Variants in ADK observed in about 807,000 individuals in gnomAD.
The protein encoded by ADK is N6,N6-dimethyladenosine kinase.
ADK carries 24 observed loss-of-function variants against 44.7 expected under a neutral mutation model. The ratio of observed to expected loss-of-function variants is 0.54; its 90% confidence interval spans 0.39 to 0.76. ADK has a LOEUF of 0.76. Among genes scored for constraint, ADK ranks in the 30% least tolerant of loss-of-function variants. ADK has a pLI of 0.00. For synonymous variants in ADK, 128 were observed against 142.6 expected (o/e 0.90, Z 0.73); for missense variants, 321 against 425.1 (o/e 0.76, Z 2.15).
chr10:74,641,292 A>G (rs930092199), intron 9 of ADK: 2 of 152,228 alleles, frequency 1.3e-5, no homozygotes, highest in Non-Finnish European at 2.9e-5. Context: ...GGATCCCTTG[A>G]GCCCAGGAGT....
At chr10:74,328,932 G>A (rs1161141934) in intron 4 of ADK, among the ~76,000 whole-genome samples, 3 of 151,810 alleles carry the variant, frequency 2.0e-5, no homozygotes, top group African/African-American at 4.8e-5. Context: ...CAGGGTAGTC[G>A]TCTTGCCACT....
chr10:74,200,627 A>G, intron 1 of ADK, 137 bp from the exon 2 acceptor site: 2 of 690,250 alleles, frequency 2.9e-6, no homozygotes, highest in Non-Finnish European at 5.2e-6. Context: ...TATAATAGGC[A>G]AATCAAATGT....
chr10:74,240,576 T>C (rs928633268), intron 3 of ADK, among the ~76,000 whole-genome samples: 1 of 152,166 alleles, frequency 6.6e-6, no homozygotes, highest in African/African-American at 2.4e-5. Flanking sequence ...ACTTGGAAAT[T>C]AGCAAATATT....
chr10:74,201,712 C>G (rs1843400083), intron 2 of ADK, among the ~76,000 whole-genome samples: 1 of 148,000 alleles, frequency 6.8e-6, no homozygotes, highest in African/African-American at 2.6e-5. Context: ...ATCTATCTAT[C>G]TATCTATCTA....
chr10:74,548,054 A>G (rs1849901786), intron 7 of ADK, among the ~76,000 whole-genome samples: 1 of 152,182 alleles, frequency 6.6e-6, no homozygotes, highest in South Asian at 2.1e-4. Flanking sequence ...GGCCTCCCAA[A>G]GTGCTGGGAT....
intron 3 of ADK, among the ~76,000 whole-genome samples, chr10:74,304,932 T>C (rs1444316566): frequency 1.3e-5 from 2 of 152,188 alleles, no homozygotes; most frequent in Non-Finnish European, 2.9e-5. Context: ...TAAATTACAG[T>C]TGTCCTTTGG....
intron 9 of ADK, among the ~76,000 whole-genome samples, chr10:74,657,814 TA>T (rs1854544159): frequency 6.6e-6 from 1 of 152,230 alleles, no homozygotes; most frequent in Non-Finnish European, 1.5e-5. Context: ...GAAGTAATTG[TA>T]ACTATGATAG....
intron 4 of ADK, among the ~76,000 whole-genome samples, chr10:74,327,309 G>T (rs747362224): frequency 3.3e-5 from 5 of 151,988 alleles, no homozygotes; most frequent in African/African-American, 7.2e-5. Flanking sequence ...TAGAGTTTTT[G>T]ATTTTCCTCT....
At chr10:74,175,027 C>G (rs572806648) in intron 1 of ADK, among the ~76,000 whole-genome samples, 6 of 152,154 alleles carry the variant, frequency 3.9e-5, no homozygotes, top group Non-Finnish European at 8.8e-5. Context: ...CTAACTTAGA[C>G]TAGAGCAGCA....
intron 6 of ADK, among the ~76,000 whole-genome samples, chr10:74,502,951 C>T (rs763068519): frequency 1.3e-5 from 2 of 152,048 alleles, no homozygotes; most frequent in African/African-American, 2.4e-5. Context: ...TTATGTAGTT[C>T]GTTACTAAGA....
chr10:74,573,677 C>T (rs1450019876), intron 7 of ADK, among the ~76,000 whole-genome samples: 1 of 152,234 alleles, frequency 6.6e-6, no homozygotes, highest in Non-Finnish European at 1.5e-5. Context: ...AGCTTCCTGG[C>T]TGCTTTGTTT....
intron 2 of ADK, among the ~76,000 whole-genome samples, chr10:74,211,180 C>T (rs1052034486): frequency 2.6e-5 from 4 of 152,142 alleles, no homozygotes; most frequent in South Asian, 4.1e-4. Flanking sequence ...CTACCGTGCC[C>T]GGTCTTTTAA....
At chr10:74,695,999 A>G (rs1213887956) in intron 10 of ADK, among the ~76,000 whole-genome samples, 2 of 151,730 alleles carry the variant, frequency 1.3e-5, no homozygotes, top group Admixed American at 6.6e-5. Flanking sequence ...CTTCCCCACT[A>G]TGTTAAATAG....
chr10:74,431,386 G>T (rs1592204246), intron 6 of ADK, among the ~76,000 whole-genome samples: 1 of 152,180 alleles, frequency 6.6e-6, no homozygotes. Flanking sequence ...AGGCAAACTT[G>T]CATTGGAATG....
chr10:74,174,264 A>C (rs1343155976), intron 1 of ADK, among the ~76,000 whole-genome samples: 1 of 143,586 alleles, frequency 7.0e-6, no homozygotes, highest in Non-Finnish European at 1.5e-5. Flanking sequence ...CAGTGAACCG[A>C]GATCATGCTA....
intron 3 of ADK, among the ~76,000 whole-genome samples, chr10:74,251,935 C>T (rs1040673265): frequency 2.3e-4 from 32 of 138,002 alleles, no homozygotes; most frequent in African/African-American, 7.3e-4. Flanking sequence ...ACCTCTTTAC[C>T]GTGTGATGTG....
intron 3 of ADK, among the ~76,000 whole-genome samples, chr10:74,287,258 A>C (rs1847203328): frequency 6.6e-6 from 1 of 152,024 alleles, no homozygotes; most frequent in African/African-American, 2.4e-5. Context: ...TGGTCAGGAG[A>C]TCAAGACCAT....
intron 1 of ADK, among the ~76,000 whole-genome samples, chr10:74,178,848 C>G (rs1842438805): frequency 6.6e-6 from 1 of 152,188 alleles, no homozygotes; most frequent in African/African-American, 2.4e-5. Flanking sequence ...TTACATTTTA[C>G]ACCTGAGGAA....
intron 6 of ADK, among the ~76,000 whole-genome samples, chr10:74,521,631 T>C (rs763021606): frequency 1.2e-4 from 18 of 152,022 alleles, no homozygotes; most frequent in Middle Eastern, 6.8e-3. Flanking sequence ...TGGGGAGAAA[T>C]AGAGGGGGAA....
Sources: gnomAD v4.1 joint callset for allele counts (sites outside exome capture counted in the v4.1 genomes callset) on GRCh38, gnomAD v4.1.1 for gene constraint, MANE v1.5 for transcripts, NCBI Gene and HGNC (gene_info 2026-07-23, HGNC 2026-07-21) for gene names.